Variants in PUDP observed in about 807,000 individuals in gnomAD.
PUDP encodes the protein pseudouridine 5'-phosphatase.
In PUDP, 8 loss-of-function variants were observed where a neutral mutation model predicts 9.4. The ratio of observed to expected loss-of-function variants is 0.85; its 90% CI spans 0.50 to 1.53. The LOEUF is 1.53. Ranked by LOEUF, PUDP falls within the 40% of genes most tolerant of loss-of-function variation. The pLI is 0.00. For missense variants in PUDP, 188 were observed against 189.7 expected, an observed-to-expected ratio of 0.99 and a Z score of 0.05; for synonymous variants, 99 against 80.7, an observed-to-expected ratio of 1.23 and a Z score of -1.22.
At chrX:7,002,580 C>G (rs1246643708) in intron 1 of PUDP, among the ~76,000 whole-genome samples, 1 of 111,117 alleles carries the variant, frequency 9.0e-6, no homozygotes, top group African/African-American at 3.3e-5. Context: ...GAGATCCTCA[C>G]AATGCTTTGA....
At chrX:6,891,720 T>C (rs766570390) in intron 3 of PUDP, among the ~76,000 whole-genome samples, 17 of 111,949 alleles carry the variant, frequency 1.5e-4, no homozygotes, top group Admixed American at 7.6e-4. Context: ...GCTCTTAGTG[T>C]CCTCCACCTT....
intron 3 of PUDP, among the ~76,000 whole-genome samples, chrX:6,880,942 A>G (rs1331726491): frequency 1.8e-5 from 2 of 112,725 alleles, no homozygotes; most frequent in Non-Finnish European, 3.8e-5. Flanking sequence ...CTCTTCTCTC[A>G]TGAATCTTGT....
At chrX:7,099,327 C>G (rs1457284589) in intron 2 of PUDP, among the ~76,000 whole-genome samples, 1 of 112,269 alleles carries the variant, frequency 8.9e-6, no homozygotes, top group Non-Finnish European at 1.9e-5. Context: ...ACATACATTT[C>G]CAGTTGTAAT....
At chrX:7,122,607 T>A (rs1488140627) in intron 1 of PUDP, among the ~76,000 whole-genome samples, 1 of 111,773 alleles carries the variant, frequency 8.9e-6, no homozygotes, top group African/African-American at 3.3e-5. Context: ...CCGTTTTGAA[T>A]CTGGGCTCCA....
intron 3 of PUDP, among the ~76,000 whole-genome samples, chrX:6,905,447 C>T (rs36110519): frequency 4.9e-4 from 55 of 111,984 alleles, no homozygotes; most frequent in Non-Finnish European, 8.3e-4. Flanking sequence ...AATTAACTTA[C>T]AATCATGGCG....
At chrX:7,050,502 C>T (rs377646267) in intron 3 of PUDP, 30 bp from the exon 4 acceptor site, 3 of 1,163,174 alleles carry the variant, frequency 2.6e-6, no homozygotes, top group Non-Finnish European at 3.5e-6. Context: ...GTCGAGATGG[C>T]CTTTTATGGA....
intron 2 of PUDP, among the ~76,000 whole-genome samples, chrX:7,095,898 A>G (rs1338694030): frequency 8.9e-6 from 1 of 112,398 alleles, no homozygotes; most frequent in Admixed American, 9.4e-5. Context: ...TGACTGTGTC[A>G]GTGTGGACAT....
chrX:7,073,939 A>C (rs1881022310), intron 3 of PUDP, among the ~76,000 whole-genome samples: 1 of 113,002 alleles, frequency 8.8e-6, no homozygotes, highest in African/African-American at 3.2e-5. Context: ...ATGTTAAAAC[A>C]CAATTCATTC....
chrX:6,841,972 ATG>A (rs1036973001), intron 3 of PUDP, among the ~76,000 whole-genome samples: 1 of 110,811 alleles, frequency 9.0e-6, no homozygotes, highest in African/African-American at 3.3e-5. Context: ...TGGGGAGTTC[ATG>A]TGTGTGCTGT....
At chrX:6,966,515 T>C (rs764716292) in intron 3 of PUDP, among the ~76,000 whole-genome samples, 28 of 109,019 alleles carry the variant, frequency 2.6e-4, no homozygotes, top group African/African-American at 8.0e-4. Flanking sequence ...GAAAGTTGTG[T>C]TTGAGTCCTT....
intron 3 of PUDP, among the ~76,000 whole-genome samples, chrX:6,768,500 A>C (rs957596677): frequency 1.4e-4 from 16 of 112,214 alleles, no homozygotes; most frequent in African/African-American, 5.2e-4. Context: ...TTGTAGGGAA[A>C]ATTAAGTAAG....
intron 3 of PUDP, among the ~76,000 whole-genome samples, chrX:7,071,588 C>T (rs943401425): frequency 1.1e-4 from 12 of 110,944 alleles, no homozygotes; most frequent in African/African-American, 3.9e-4. Context: ...TTATCTCAGG[C>T]CCTGTGCCAT....
chrX:7,115,348 A>T (rs1352500130), intron 1 of PUDP, among the ~76,000 whole-genome samples: 1 of 112,582 alleles, frequency 8.9e-6, no homozygotes, highest in Admixed American at 9.4e-5. Context: ...GTCCTTGGTG[A>T]CCTTCTTTTG....
In PUDP at chrX:6,713,915, G is replaced by A. The variant is rs758267671; in HGVS notation, n.129-7449C>T. On this transcript the variant is annotated intron_variant and non_coding_transcript_variant, in intron 1 of 2. Transcript: ENST00000438499. ...GAATTATTATTATTATTATTACTAC[G>A]AAGAAAGGGTCTTGCTCTGTCACCC... is the stretch of plus-strand genomic sequence containing the variant. Among the ~76,000 whole-genome samples, 5 of 110,760 alleles carry A rather than the reference G, an allele frequency of 4.5e-5. No individual in the cohort carries two copies. In the South Asian group the frequency reaches 1.9e-3, roughly 43 times the overall value.
intron 1 of PUDP, among the ~76,000 whole-genome samples, chrX:7,002,743 C>A (rs1033476711): frequency 9.0e-6 from 1 of 110,983 alleles, no homozygotes; most frequent in Non-Finnish European, 1.9e-5. Flanking sequence ...TGGGATCAAT[C>A]CACATTTCCT....
chrX:6,886,051 G>C (rs1355446855), intron 3 of PUDP, among the ~76,000 whole-genome samples: 1 of 112,050 alleles, frequency 8.9e-6, no homozygotes, highest in Admixed American at 9.5e-5. Context: ...CGTCTATGTT[G>C]TATTGCTATC....
intron 1 of PUDP, among the ~76,000 whole-genome samples, chrX:7,113,774 A>G (rs1341377493): frequency 8.9e-6 from 1 of 112,342 alleles, no homozygotes; most frequent in Admixed American, 9.4e-5. Flanking sequence ...TCTCGAAATG[A>G]GGTCCCCGGA....
At chrX:6,989,458 G>C (rs1374584291) in intron 1 of PUDP, 1 of 159,755 alleles carries the variant, frequency 6.3e-6, no homozygotes, top group Non-Finnish European at 1.3e-5. Flanking sequence ...ACTGATCTTC[G>C]CTGTCAAGCA....
rs752071230 is a variant in PUDP at position 7,077,453 on chromosome X, GGGA to G, written c.281-7_281-5del. The G allele has an allele frequency of 3.4e-6, 4 of 1,193,760 alleles. No individual in the cohort carries two copies. The stretch of plus-strand genomic sequence containing the variant: ...TGGATGATGAGTTTCTCCGCCCCTG[GGGA>G]GGAGGAGGGAAGGACTGAGGTGAGG... On this transcript the variant is annotated splice_polypyrimidine_tract_variant and splice_region_variant and intron_variant, in intron 2 of 3. Coordinates refer to ENST00000381077, the MANE Select transcript of PUDP (RefSeq NM_012080.5).
Sources: gnomAD v4.1 joint callset for allele counts (sites outside exome capture counted in the v4.1 genomes callset) on GRCh38, gnomAD v4.1.1 for gene constraint, MANE v1.5 for transcripts, NCBI Gene and HGNC (gene_info 2026-07-23, HGNC 2026-07-21) for gene names.